Variants in ABCA3 observed in about 807,000 individuals in gnomAD.
ABCA3 encodes the protein phospholipid-transporting ATPase ABCA3.
Under a neutral mutation model 172.8 loss-of-function variants are expected in ABCA3, and 88 were observed. That is an observed-to-expected ratio of 0.51 (90% confidence interval 0.43 to 0.61). The LOEUF (loss-of-function observed/expected upper bound fraction) is 0.61, where lower values mean the gene tolerates loss of function less well. Ranked by LOEUF, ABCA3 falls within the 20% of genes least tolerant of loss-of-function variation. The pLI is 0.00. For synonymous variants in ABCA3, 1,066 were observed against 983.8 expected, an observed-to-expected ratio of 1.08 and a Z score of -1.56; for missense variants, 2,164 against 2,301.0, an observed-to-expected ratio of 0.94 and a Z score of 1.22.
rs575479658 is a variant in ABCA3 at position 2,297,647 on chromosome 16, C to T, written c.2053-108G>A. ...GGTTCGCGGAGCCGGCTTGAGTCCT[C>T]CAAGGATGGTGATGGCCTTGTCTGG... On this transcript the variant is annotated intron_variant, in intron 16 of 32. Transcript: ENST00000301732. The surrounding 1 kb of genome is among the most constrained non-coding windows in gnomAD (Gnocchi z 5.6). 2.5e-6 allele frequency: 4 copies of T among 1,589,292 alleles called. No homozygotes were observed. The highest frequency in any genetic ancestry group is 1.3e-5 in the African/African-American group (1 of 74,506).
chr16:2,286,570 C>G lies in ABCA3; in HGVS notation c.3278+124G>C, dbSNP rs1354633978. On this transcript the variant is annotated intron_variant, in intron 22 of 32. Transcript: ENST00000301732. This position sits in a 1 kb window ranked among gnomAD's most constrained non-coding sequence, Gnocchi z 5.2. ...TGGAGGAGGATGTGGCAGGGGTTTC[C>G]CACCAGACCCAGGGGCTTTGGGAGG... 6.0e-6 allele frequency: 8 copies of G among 1,337,972 alleles called. No individual in the cohort carries two copies. Among genetic ancestry groups the G allele is most frequent in the Non-Finnish European group, 6.1e-6 (6 of 979,632 alleles). The allele number at this position is 1,337,972 out of a possible 1,614,324, so 82.9% of individuals were successfully genotyped here.
intron 1 of ABCA3, chr16:2,332,659 A>G: frequency 6.2e-7 from 1 of 1,602,734 alleles, no homozygotes; most frequent in Non-Finnish European, 8.5e-7. Flanking sequence ...GTTCACCTTG[A>G]TGAGACCATT....
In ABCA3 at chr16:2,279,845, C is replaced by G. The variant is rs576086412; in HGVS notation, c.4360-715G>C. 6.6e-6 allele frequency among the ~76,000 whole-genome samples: 1 copy of G among 151,972 alleles called. No homozygotes were observed. Among genetic ancestry groups the G allele is most frequent in the Non-Finnish European group, 1.5e-5 (1 of 67,976 alleles). On this transcript the variant is annotated intron_variant, in intron 28 of 32. Transcript: ENST00000301732. The surrounding 1 kb of genome is among the most constrained non-coding windows in gnomAD (Gnocchi z 4.4). ...CACTACAACCTCTGCCTCCCAGGCT[C>G]AAGTGATTCTCATGCCTCAGGCTCC...
At chr16:2,337,387 T>C (rs1222121061) in intron 1 of ABCA3, among the ~76,000 whole-genome samples, 4 of 151,758 alleles carry the variant, frequency 2.6e-5, no homozygotes, top group African/African-American at 9.7e-5. Flanking sequence ...TTTTTTTTTT[T>C]TCATGCAGGG....
Position 2,286,719 on chromosome 16 carries a change from G to T in ABCA3, c.3253C>A (p.Gln1085Lys), listed in dbSNP as rs776901456. 14 of 1,613,566 alleles carry T rather than the reference G, an allele frequency of 8.7e-6. No individual in the cohort carries two copies. Among genetic ancestry groups the T allele is most frequent in the Non-Finnish European group, 1.2e-5 (14 of 1,179,912 alleles). Residue 1085 changes from glutamine (Q) to lysine (K), a missense_variant, in exon 22 of 33, where the codon CAG becomes AAG. Physicochemically the swap from Gln to Lys is moderately conservative, Grantham distance 53. Transcript: ENST00000301732. This position sits in a 1 kb window ranked among gnomAD's most constrained non-coding sequence, Gnocchi z 5.2. ...TCGTTAAACTGGTCCTTGGCAGCCT[G>T]CAGGGCGCTCCGGGGCTGGGGGAAG... ...SNFPQPRSAL[Q>K]AAKDQFNEGR...
At chr16:2,280,880 C>G (rs1415161830) in intron 28 of ABCA3, 147 bp downstream of exon 28, 1 of 1,056,526 alleles carries the variant, frequency 9.5e-7, no homozygotes, top group African/African-American at 1.6e-5. Context: ...ATTACCTTGT[C>G]TCGCTGTCCA....
intron 1 of ABCA3, chr16:2,332,319 G>C (rs763860029): frequency 2.3e-5 from 16 of 706,330 alleles, no homozygotes; most frequent in Non-Finnish European, 3.9e-5. Flanking sequence ...GGGCTTATCG[G>C]TAGGATTTCT....
chr16:2,298,662 G>A (rs2093684050), intron 14 of ABCA3, 122 bp from the exon 15 acceptor site: 3 of 1,251,580 alleles, frequency 2.4e-6, no homozygotes, highest in Non-Finnish European at 2.2e-6. Context: ...GCCCATGAGA[G>A]GGCACGGAAC....
intron 1 of ABCA3, 27 bp downstream of exon 1, chr16:2,340,546 C>T (rs2093759362): frequency 6.7e-6 from 1 of 149,248 alleles, no homozygotes. Context: ...AACGAGCGCG[C>T]GAGCGGCGGG....
Position 2,283,269 on chromosome 16 carries a change from G to A in ABCA3, c.3952C>T (p.Leu1318Phe). The change falls in exon 26 of 33, where the codon CTC becomes TTC. Residue 1318 changes from leucine (L) to phenylalanine (F), a missense_variant. Leu to Phe is a conservative substitution (Grantham distance 22, BLOSUM62 0). Around this residue, in one of 3 missense-constraint regions of ABCA3, gnomAD observed 795 missense variants for 881.9 expected, o/e 0.90. Transcript: ENST00000301732. The surrounding 1 kb of genome is among the most constrained non-coding windows in gnomAD (Gnocchi z 5.4). ...ASMAASGCAY[L>F]ILLFLIETNL... ...GTCTCGATGAGGAAGAGCAGGATGA[G>A]GTAGGCGCACCCTGAGGCGGCCATG... 6.2e-7 allele frequency: 1 copy of A among 1,613,452 alleles called. No individual in the cohort carries two copies. The highest frequency in any genetic ancestry group is 8.5e-7 in the Non-Finnish European group (1 of 1,179,992).
chr16:2,313,570 A>AAG (rs2093710021), intron 10 of ABCA3, among the ~76,000 whole-genome samples: 1 of 150,554 alleles, frequency 6.6e-6, no homozygotes. Flanking sequence ...AAAAAAAAAA[A>AAG]AAGAAGAAAG....
At chr16:2,299,704 C>T (rs549455923) in intron 13 of ABCA3, among the ~76,000 whole-genome samples, 172 bp from the exon 14 acceptor site, 5 of 152,330 alleles carry the variant, frequency 3.3e-5, no homozygotes, top group East Asian at 1.9e-4. Context: ...TGCTCCCCTC[C>T]GGTCTCCCCC....
rs566466507 is a variant in ABCA3 at position 2,277,831 on chromosome 16, T to C, written c.4909+48A>G. The C allele has an allele frequency of 2.7e-4, 428 of 1,604,972 alleles. 5 individuals carry two copies. The South Asian group carries it at 4.5e-3, about 17-fold the overall frequency. On this transcript the variant is annotated intron_variant, in intron 31 of 32. Transcript: ENST00000301732. This position sits in a 1 kb window ranked among gnomAD's most constrained non-coding sequence, Gnocchi z 5.3. ...GCACAGCAGATGGGAGAGGCCTAGG[T>C]AGGGGCCCAGGGCCCACCCAGTGGG...
chr16:2,282,974 G>A (rs578039461), intron 26 of ABCA3, among the ~76,000 whole-genome samples: 1 of 152,358 alleles, frequency 6.6e-6, no homozygotes, highest in South Asian at 2.1e-4. Context: ...TCCTCGGCAG[G>A]GGCTCACAAC....
chr16:2,300,093 C>T lies in ABCA3; in HGVS notation c.1523G>A (p.Ser508Asn), dbSNP rs760750138. The T allele has an allele frequency of 4.3e-6, 7 of 1,613,724 alleles. No individual in the cohort carries two copies. Among genetic ancestry groups the T allele is most frequent in the Non-Finnish European group, 5.9e-6 (7 of 1,179,946 alleles). Residue 508 changes from serine (S) to asparagine (N), a missense_variant, in exon 13 of 33, where the codon AGT (serine) becomes AAT (asparagine). Physicochemically the swap from Ser to Asn is conservative, Grantham distance 46. Coordinates refer to ENST00000301732, the MANE Select transcript of ABCA3 (RefSeq NM_001089.3). The part of the protein sequence containing the change: ...RAVAGKEEED[S>N]DPEKALRNEY... ...GTTTCTGAGTGCTTTCTCGGGGTCA[C>T]TGTCTTCTTCCTCCTTCCCTGCAAC...
intron 19 of ABCA3, among the ~76,000 whole-genome samples, chr16:2,290,109 G>A (rs573719296): frequency 1.3e-5 from 2 of 152,240 alleles, no homozygotes; most frequent in East Asian, 1.9e-4. Flanking sequence ...CTTGGAGCCC[G>A]TGTGAGCCCT....
chr16:2,276,884 T>C, intron 32 of ABCA3, 79 bp from the exon 33 acceptor site: 1 of 1,579,482 alleles, frequency 6.3e-7, no homozygotes. Flanking sequence ...CCTCTGGCAA[T>C]AGGGGCTGAT....
At position 2,283,571 on chromosome 16, in the gene ABCA3, T is replaced by G. The variant is rs1442991997; in HGVS notation, c.3863-213A>C. On this transcript the variant is annotated intron_variant, in intron 25 of 32. Transcript: ENST00000301732. This position sits in a 1 kb window ranked among gnomAD's most constrained non-coding sequence, Gnocchi z 5.4. ...CACGTAACAATCCAATGCAGTCCCA[T>G]GAGCGACATGGCAGACCCAGGGCAG... is the stretch of plus-strand genomic sequence containing the variant. The G allele has an allele frequency of 8.7e-6, 5 of 573,210 alleles. No homozygotes were observed. The South Asian group carries it at 1.0e-4, about 11-fold the overall frequency. The allele number at this position is 573,210 out of a possible 1,614,324, so 35.5% of individuals were successfully genotyped here. A position where few individuals can be genotyped will look rare whatever the true frequency, so the allele number is the denominator to read the frequency against.
chr16:2,304,212 A>G (rs2093694014), intron 11 of ABCA3, 62 bp from the exon 12 acceptor site: 4 of 1,585,492 alleles, frequency 2.5e-6, no homozygotes, highest in Non-Finnish European at 3.5e-6. Context: ...AGGGACCCGA[A>G]GCCCCTGATG....
Sources: allele counts gnomAD v4.1 joint callset (sites outside exome capture counted in the v4.1 genomes callset), GRCh38; gene constraint gnomAD v4.1.1; regional missense constraint gnomAD v4.1.1; non-coding constraint Gnocchi (gnomAD v3.1); transcripts MANE v1.5; gene names NCBI Gene and HGNC (gene_info 2026-07-23, HGNC 2026-07-21).